Variants in EDDM13 observed in about 807,000 individuals in gnomAD.
EDDM13 encodes epididymal protein 13.
EDDM13 carries 24 observed loss-of-function variants against 17.8 expected under a neutral mutation model. That is an observed-to-expected ratio of 1.35 (90% CI 0.98 to 1.90). The LOEUF is 1.90. Among genes scored for constraint, EDDM13 ranks in the 40% most tolerant of loss-of-function variants. The pLI, the probability that EDDM13 is intolerant of heterozygous loss-of-function variation, is 0.00. For synonymous variants in EDDM13, 31 were observed against 37.5 expected, an observed-to-expected ratio of 0.83 and a Z score of 0.63; for missense variants, 97 against 100.8, an observed-to-expected ratio of 0.96 and a Z score of 0.16.
intron 2 of EDDM13, among the ~76,000 whole-genome samples, chr19:56,276,643 T>C (rs2147011845): frequency 1.3e-5 from 2 of 152,114 alleles, no homozygotes; most frequent in Middle Eastern, 3.4e-3. Context: ...TTCAAGCGAT[T>C]CTCCTGCCTC....
At chr19:56,289,742 T>G (rs2039388252) in intron 8 of EDDM13, among the ~76,000 whole-genome samples, 1 of 152,112 alleles carries the variant, frequency 6.6e-6, no homozygotes, top group African/African-American at 2.4e-5. Flanking sequence ...GCCTCCTGAG[T>G]AGCTGAGACT....
At chr19:56,304,447 GGA>G (rs1464879382) in intron 13 of EDDM13, among the ~76,000 whole-genome samples, 1 of 152,206 alleles carries the variant, frequency 6.6e-6, no homozygotes, top group Non-Finnish European at 1.5e-5. Flanking sequence ...CAGAGGCCAG[GGA>G]GGCCACTCAA....
intron 13 of EDDM13, among the ~76,000 whole-genome samples, chr19:56,303,325 A>G (rs1405171960): frequency 1.3e-5 from 2 of 151,968 alleles, no homozygotes; most frequent in Non-Finnish European, 2.9e-5. Flanking sequence ...TAAAAATACA[A>G]AAAATAGCCG....
At chr19:56,301,389 A>G (rs2040219133) in intron 12 of EDDM13, among the ~76,000 whole-genome samples, 1 of 152,058 alleles carries the variant, frequency 6.6e-6, no homozygotes, top group African/African-American at 2.4e-5. Context: ...GTGAACTGTC[A>G]TGGTACTGGT....
At chr19:56,303,286 T>TG (rs2040467308) in intron 13 of EDDM13, among the ~76,000 whole-genome samples, 1 of 151,916 alleles carries the variant, frequency 6.6e-6, no homozygotes, top group Non-Finnish European at 1.5e-5. Context: ...AAGACCAGCC[T>TG]GGTCAACATG....
In EDDM13 at chr19:56,301,849, T is replaced by C. The variant is rs1337472744; in HGVS notation, c.296-119T>C. 9 of 1,187,908 alleles carry C rather than the reference T, an allele frequency of 7.6e-6. No homozygotes were observed. In the African/African-American group the frequency reaches 9.5e-5, roughly 12 times the overall value. 73.6% of individuals were successfully genotyped at this position (1,187,908 alleles called of 1,614,324 possible). A position where few individuals can be genotyped will look rare whatever the true frequency, so the allele number is the denominator to read the frequency against. On this transcript the variant is annotated intron_variant, in intron 12 of 14. Transcript: ENST00000649256. ...TGGTGGGTGTGGACCAAAATTTCAA[T>C]TCAGGAGGCAGGCAGAGATGTGAGT... is the stretch of plus-strand genomic sequence containing the variant.
At chr19:56,301,019 A>G (rs1042760471) in intron 12 of EDDM13, among the ~76,000 whole-genome samples, 1 of 152,144 alleles carries the variant, frequency 6.6e-6, no homozygotes, top group Non-Finnish European at 1.5e-5. Flanking sequence ...AGCCATCAAG[A>G]GCAGAGCCTG....
chr19:56,308,704 TG>T, intron 14 of EDDM13, among the ~76,000 whole-genome samples: 1 of 152,068 alleles, frequency 6.6e-6, no homozygotes, highest in African/African-American at 2.4e-5. Flanking sequence ...ATTGATTCCT[TG>T]ATCTCTGTCT....
intron 4 of EDDM13, chr19:56,283,028 T>C (rs2038828311): frequency 6.6e-6 from 1 of 152,236 alleles, no homozygotes. Flanking sequence ...AAGGCCCACA[T>C]TAGGCACCTT....
intron 5 of EDDM13, among the ~76,000 whole-genome samples, 161 bp downstream of exon 5, chr19:56,284,367 GTATC>G (rs1568693778): frequency 6.6e-6 from 1 of 152,102 alleles, no homozygotes; most frequent in Non-Finnish European, 1.5e-5. Flanking sequence ...GAATTTCTGA[GTATC>G]TAGTCTGTGC....
At chr19:56,278,319 A>C (rs1256941092) in intron 2 of EDDM13, among the ~76,000 whole-genome samples, 1 of 152,144 alleles carries the variant, frequency 6.6e-6, no homozygotes, top group Non-Finnish European at 1.5e-5. Flanking sequence ...TATTTAGGAG[A>C]GACAAGGTTT....
intron 14 of EDDM13, among the ~76,000 whole-genome samples, chr19:56,309,864 C>T (rs918405308): frequency 6.6e-6 from 1 of 152,158 alleles, no homozygotes; most frequent in African/African-American, 2.4e-5. Flanking sequence ...AGACACTTGC[C>T]CTGGTGATGG....
intron 2 of EDDM13, among the ~76,000 whole-genome samples, chr19:56,278,679 T>C (rs1254635306): frequency 6.6e-6 from 1 of 152,188 alleles, no homozygotes; most frequent in Non-Finnish European, 1.5e-5. Flanking sequence ...GGGCCAGTAG[T>C]GTGGCTCAGT....
intron 1 of EDDM13, among the ~76,000 whole-genome samples, chr19:56,275,466 C>T (rs115365603): frequency 0.014 from 2,151 of 152,282 alleles, 49 homozygotes; most frequent in African/African-American, 0.049. Context: ...TGCAGTGGCT[C>T]AAGCCTTTAA....
chr19:56,304,609 T>G (rs2040564231), intron 13 of EDDM13, among the ~76,000 whole-genome samples, 184 bp from the exon 14 acceptor site: 3 of 147,652 alleles, frequency 2.0e-5, no homozygotes, highest in African/African-American at 5.0e-5. Flanking sequence ...AAGGTGGGAG[T>G]GGTGAGAGGC....
intron 13 of EDDM13, among the ~76,000 whole-genome samples, chr19:56,303,995 T>C (rs947563539): frequency 6.6e-6 from 1 of 152,122 alleles, no homozygotes; most frequent in Non-Finnish European, 1.5e-5. Context: ...GTCCAGGTCA[T>C]GTAAGGTTCT....
intron 9 of EDDM13, among the ~76,000 whole-genome samples, chr19:56,291,124 G>A (rs1032090646): frequency 6.6e-6 from 1 of 152,134 alleles, no homozygotes. Context: ...TCACGTCCCC[G>A]AGCTCACAGG....
chr19:56,293,638 C>T (rs1412034372), intron 9 of EDDM13, among the ~76,000 whole-genome samples: 1 of 152,206 alleles, frequency 6.6e-6, no homozygotes, highest in Non-Finnish European at 1.5e-5. Context: ...TAGTTCCAGC[C>T]TCATATGGTT....
chr19:56,283,073 G>A (rs1392840529), intron 4 of EDDM13: 1 of 152,136 alleles, frequency 6.6e-6, no homozygotes, highest in East Asian at 1.9e-4. Flanking sequence ...CTTCCTAGGT[G>A]GGGCAATCTT....
Sources: allele counts gnomAD v4.1 joint callset (sites outside exome capture counted in the v4.1 genomes callset), GRCh38; gene constraint gnomAD v4.1.1; transcripts MANE v1.5; gene names NCBI Gene and HGNC (gene_info 2026-07-23, HGNC 2026-07-21).